LRP1B: variants seen among roughly 807,000 people sequenced by gnomAD.
The protein encoded by LRP1B is LDL receptor related protein 1B.
A neutral mutation model predicts 556.6 loss-of-function variants in LRP1B; 217 were observed. That is an observed-to-expected ratio of 0.39 (90% CI 0.35 to 0.44). The LOEUF (loss-of-function observed/expected upper bound fraction) is 0.44. Among genes scored for constraint, LRP1B ranks in the 20% least tolerant of loss-of-function variants. The pLI is 1.00. For missense variants in LRP1B, 5,053 were observed against 5,620.8 expected (o/e 0.90, Z 3.23); for synonymous variants, 2,047 against 1,865.8 (o/e 1.10, Z -2.50).
At chr2:141,812,133 T>C (rs1019356379) in intron 1 of LRP1B, among the ~76,000 whole-genome samples, 2 of 152,144 alleles carry the variant, frequency 1.3e-5, no homozygotes, top group Non-Finnish European at 2.9e-5. Flanking sequence ...GTGATATTTA[T>C]AAGTATGCTT....
intron 3 of LRP1B, among the ~76,000 whole-genome samples, chr2:141,271,277 T>C (rs1685079702): frequency 6.6e-6 from 1 of 150,638 alleles, no homozygotes; most frequent in African/African-American, 2.4e-5. Context: ...TATGCCAACA[T>C]ACACATAATG....
intron 1 of LRP1B, among the ~76,000 whole-genome samples, chr2:141,992,481 T>A (rs911828461): frequency 6.6e-6 from 1 of 152,150 alleles, no homozygotes; most frequent in Non-Finnish European, 1.5e-5. Flanking sequence ...GAAAAATGAG[T>A]ACAGTGGCTT....
chr2:141,871,083 TC>T (rs1304232724), intron 1 of LRP1B, among the ~76,000 whole-genome samples: 1 of 151,872 alleles, frequency 6.6e-6, no homozygotes, highest in Non-Finnish European at 1.5e-5. Flanking sequence ...TCTGGTCACC[TC>T]ACTTGTATTT....
intron 2 of LRP1B, among the ~76,000 whole-genome samples, chr2:141,588,495 C>A (rs963430353): frequency 3.9e-5 from 6 of 152,054 alleles, no homozygotes; most frequent in African/African-American, 1.4e-4. Flanking sequence ...TAATGTGTAC[C>A]ATAATGTTAA....
intron 60 of LRP1B, among the ~76,000 whole-genome samples, chr2:140,472,103 C>T (rs1287343932): frequency 6.6e-6 from 1 of 152,094 alleles, no homozygotes; most frequent in Non-Finnish European, 1.5e-5. Flanking sequence ...TATGTCTTTA[C>T]CTGCATATTT....
intron 72 of LRP1B, among the ~76,000 whole-genome samples, chr2:140,359,576 C>T (rs1682411240): frequency 6.6e-6 from 1 of 151,610 alleles, no homozygotes; most frequent in African/African-American, 2.4e-5. Context: ...GACTTCCACT[C>T]TTAAAGCAGG....
intron 18 of LRP1B, among the ~76,000 whole-genome samples, chr2:140,973,247 A>G (rs1696490211): frequency 6.6e-6 from 1 of 151,768 alleles, no homozygotes; most frequent in South Asian, 2.1e-4. Context: ...TCCCAGAAGA[A>G]TGTTTTTAAT....
chr2:141,320,829 A>G (rs970090449), intron 3 of LRP1B, among the ~76,000 whole-genome samples: 1 of 152,104 alleles, frequency 6.6e-6, no homozygotes, highest in Non-Finnish European at 1.5e-5. Flanking sequence ...ATTGTGTATT[A>G]TTAAATGATT....
chr2:141,118,941 CATAGAT>C (rs1700973739), intron 7 of LRP1B, among the ~76,000 whole-genome samples: 1 of 151,746 alleles, frequency 6.6e-6, no homozygotes, highest in South Asian at 2.1e-4. Context: ...TGGAATTCTA[CATAGAT>C]ATAGTTAAAA....
At chr2:140,367,679 G>A (rs1038296091) in intron 71 of LRP1B, among the ~76,000 whole-genome samples, 1 of 151,820 alleles carries the variant, frequency 6.6e-6, no homozygotes, top group Admixed American at 6.6e-5. Context: ...AAATTAAAGA[G>A]ATGAGTATCA....
chr2:141,782,277 G>A (rs1574353592), intron 2 of LRP1B, among the ~76,000 whole-genome samples: 1 of 151,996 alleles, frequency 6.6e-6, no homozygotes, highest in East Asian at 1.9e-4. Context: ...TTTTCTAGAG[G>A]ATAGAATTTT....
chr2:141,109,412 T>A (rs1383763756), intron 7 of LRP1B, among the ~76,000 whole-genome samples: 1 of 151,866 alleles, frequency 6.6e-6, no homozygotes, highest in Non-Finnish European at 1.5e-5. Flanking sequence ...TTCCCCAGTC[T>A]TTTAAAAAAC....
chr2:141,265,323 G>C lies in LRP1B; in HGVS notation c.344-10682C>G, dbSNP rs191248742. ...ATGCTGAAATCCCAGGATTCCATCA[G>C]GAAGCAACCAGAAAGGAGAGTAACC... On this transcript the variant is annotated intron_variant, in intron 3 of 90. Coordinates refer to ENST00000389484, the MANE Select transcript of LRP1B (RefSeq NM_018557.3). Among the ~76,000 whole-genome samples, 732 of 152,212 alleles carry C rather than the reference G, an allele frequency of 4.8e-3. 10 individuals carry two copies. The highest frequency in any genetic ancestry group is 0.017 in the African/African-American group (692 of 41,538).
intron 2 of LRP1B, among the ~76,000 whole-genome samples, chr2:141,570,901 A>T (rs12992971): frequency 0.081 from 12,084 of 149,562 alleles, 1,106 homozygotes; most frequent in South Asian, 0.14. Flanking sequence ...CAGAATCTGG[A>T]TCTCCCTGGG....
chr2:140,638,766 C>T (rs946029085), intron 41 of LRP1B, among the ~76,000 whole-genome samples: 4 of 151,488 alleles, frequency 2.6e-5, no homozygotes, highest in Non-Finnish European at 4.4e-5. Flanking sequence ...TATATACACA[C>T]ACACACATAT....
At chr2:140,735,209 G>A (rs886554819) in intron 35 of LRP1B, among the ~76,000 whole-genome samples, 2 of 152,168 alleles carry the variant, frequency 1.3e-5, no homozygotes, top group African/African-American at 2.4e-5. Context: ...GAGAAGTGAC[G>A]TGGAAGTTGC....
chr2:141,291,724 C>T lies in LRP1B; in HGVS notation c.344-37083G>A, dbSNP rs931911505. On this transcript the variant is annotated intron_variant, in intron 3 of 90. Transcript: ENST00000389484. ...ACAAAAAATTAGCCGGGAGTGGTGG[C>T]GGGCACCTGTAATCCCAGCTACTTG... Among the ~76,000 whole-genome samples, 19 of 151,678 alleles carry T rather than the reference C, an allele frequency of 1.3e-4. 2 individuals carry two copies. In the East Asian group the frequency reaches 1.4e-3, roughly 11 times the overall value.
intron 1 of LRP1B, among the ~76,000 whole-genome samples, chr2:142,060,070 A>T (rs1398638847): frequency 6.6e-6 from 1 of 152,126 alleles, no homozygotes; most frequent in Admixed American, 6.6e-5. Context: ...TTGCTAGAAT[A>T]GAATTTCAGG....
Position 141,101,983 on chromosome 2 carries a change from C to T in LRP1B, c.1014-39710G>A, listed in dbSNP as rs115677352. On this transcript the variant is annotated intron_variant, in intron 7 of 90. Coordinates refer to ENST00000389484, the MANE Select transcript of LRP1B (RefSeq NM_018557.3). ...ATGAGATGACACACAACAGATATAA[C>T]GGAGATTAAGTTCAGAATCACAAAG... Among the ~76,000 whole-genome samples the T allele has an allele frequency of 8.6e-3, 1,316 of 152,184 alleles. 18 individuals are homozygous for T. The highest frequency in any genetic ancestry group is 0.03 in the African/African-American group (1,262 of 41,528).
Sources: allele counts gnomAD v4.1 joint callset (sites outside exome capture counted in the v4.1 genomes callset), GRCh38; gene constraint gnomAD v4.1.1; transcripts MANE v1.5; gene names NCBI Gene and HGNC (gene_info 2026-07-23, HGNC 2026-07-21).